Variants in MEOX2 observed in about 807,000 individuals in gnomAD.
MEOX2 encodes the protein mesenchyme homeobox 2.
A neutral mutation model predicts 27.0 loss-of-function variants in MEOX2; 11 were observed. The ratio of observed to expected loss-of-function variants is 0.41; its 90% CI spans 0.26 to 0.68. The LOEUF (loss-of-function observed/expected upper bound fraction) is 0.68, where lower values mean the gene tolerates loss of function less well. MEOX2 is among the 30% of genes least tolerant of loss of function. The pLI is 0.33. For missense variants in MEOX2, 436 were observed against 385.4 expected, an observed-to-expected ratio of 1.13 and a Z score of -1.10; for synonymous variants, 189 against 155.4, an observed-to-expected ratio of 1.22 and a Z score of -1.61.
At chr7:15,649,799 A>G (rs1037857635) in intron 1 of MEOX2, among the ~76,000 whole-genome samples, 15 of 152,112 alleles carry the variant, frequency 9.9e-5, no homozygotes, top group Admixed American at 3.3e-4. Context: ...AGGCAATGGT[A>G]TCATGGGGCT....
At chr7:15,676,569 C>T (rs28397811) in intron 1 of MEOX2, among the ~76,000 whole-genome samples, 17,266 of 152,090 alleles carry the variant, frequency 0.11, 2,004 homozygotes, top group African/African-American at 0.3. Context: ...CTGTACACTC[C>T]TTTTAAAAAG....
At chr7:15,644,231 A>G (rs1781608104) in intron 1 of MEOX2, among the ~76,000 whole-genome samples, 1 of 152,040 alleles carries the variant, frequency 6.6e-6, no homozygotes, top group East Asian at 1.9e-4. Context: ...TTCTGGGCCT[A>G]CCTAGGTTCA....
chr7:15,683,757 C>A (rs896019638), intron 1 of MEOX2, among the ~76,000 whole-genome samples: 3 of 152,020 alleles, frequency 2.0e-5, no homozygotes, highest in Admixed American at 6.5e-5. Flanking sequence ...GTCAATATTT[C>A]TTCAACATAT....
chr7:15,682,111 C>T (rs1782300174), intron 1 of MEOX2: 1 of 151,620 alleles, frequency 6.6e-6, no homozygotes, highest in Non-Finnish European at 1.5e-5. Context: ...AATTAGTCTA[C>T]CAGTCCAAGA....
intron 1 of MEOX2, among the ~76,000 whole-genome samples, chr7:15,643,295 G>A (rs543094355): frequency 6.6e-6 from 1 of 152,154 alleles, no homozygotes; most frequent in African/African-American, 2.4e-5. Context: ...CTGGGGGTAT[G>A]TTCTGCACTC....
At chr7:15,657,583 C>T (rs1393100904) in intron 1 of MEOX2, among the ~76,000 whole-genome samples, 4 of 152,090 alleles carry the variant, frequency 2.6e-5, no homozygotes, top group African/African-American at 7.2e-5. Context: ...TGCTTCTTTG[C>T]TGAGATGTTC....
intron 2 of MEOX2, among the ~76,000 whole-genome samples, chr7:15,625,781 A>G (rs2115359579): frequency 6.6e-6 from 1 of 152,322 alleles, no homozygotes; most frequent in African/African-American, 2.4e-5. Context: ...GGGAAACAAG[A>G]ATCTGTACAA....
At chr7:15,616,090 T>G (rs993666218) in intron 2 of MEOX2, among the ~76,000 whole-genome samples, 3 of 151,810 alleles carry the variant, frequency 2.0e-5, no homozygotes, top group Non-Finnish European at 4.4e-5. Context: ...AAAGACTGAA[T>G]AGTTAATTGC....
intron 1 of MEOX2, among the ~76,000 whole-genome samples, chr7:15,649,452 A>G (rs1456943818): frequency 6.6e-6 from 1 of 151,974 alleles, no homozygotes; most frequent in Non-Finnish European, 1.5e-5. Context: ...GAAAAATCAC[A>G]TAAATTGAAG....
rs2237492 is a variant in MEOX2 at position 15,612,276 on chromosome 7, A to T, written c.*111T>A. On this transcript the variant is annotated 3_prime_UTR_variant, in exon 3 of 3. Transcript: ENST00000262041. ...AAACAGATTCGAAATGCCTGGATTT[A>T]ATAATATTAAACATCACTGCCATAG... The T allele has an allele frequency of 0.64, 550,661 of 866,036 alleles. 178,233 individuals are homozygous for T. Among genetic ancestry groups the T allele is most frequent in the Non-Finnish European group, 0.68 (370,177 of 545,074 alleles). 53.6% of individuals were successfully genotyped at this position (866,036 alleles called of 1,614,324 possible).
At chr7:15,614,424 A>C (rs1213511913) in intron 2 of MEOX2, among the ~76,000 whole-genome samples, 1 of 151,374 alleles carries the variant, frequency 6.6e-6, no homozygotes, top group African/African-American at 2.4e-5. Context: ...AAAAAGAAAA[A>C]AAAAGTTTGC....
Position 15,612,743 on chromosome 7 carries a change from G to T in MEOX2, c.691-132C>A. On this transcript the variant is annotated intron_variant, in intron 2 of 2. Coordinates refer to ENST00000262041, the MANE Select transcript of MEOX2 (RefSeq NM_005924.5). ...CAAAGACACCATGAAGGAGTGAATAGAAAAATAAATCCACGTTGAATTTAA... is the reference window on the plus strand; with the variant it reads ...CAAAGACACCATGAAGGAGTGAATATAAAAATAAATCCACGTTGAATTTAA... The T allele has an allele frequency of 4.5e-6, 3 of 671,116 alleles. No individual in the cohort carries two copies. In the South Asian group the frequency reaches 5.8e-5, roughly 13 times the overall value. The allele number at this position is 671,116 out of a possible 1,614,324, so 41.6% of individuals were successfully genotyped here. A position where few individuals can be genotyped will look rare whatever the true frequency, so the allele number is the denominator to read the frequency against.
chr7:15,618,012 AG>A (rs1433211334), intron 2 of MEOX2, among the ~76,000 whole-genome samples: 2 of 152,108 alleles, frequency 1.3e-5, no homozygotes, highest in Non-Finnish European at 2.9e-5. Flanking sequence ...TGAATCTCAC[AG>A]GCACAATTAT....
At chr7:15,650,650 T>A (rs1344885475) in intron 1 of MEOX2, among the ~76,000 whole-genome samples, 1 of 152,038 alleles carries the variant, frequency 6.6e-6, no homozygotes, top group Admixed American at 6.6e-5. Flanking sequence ...CCCTTAAGGA[T>A]CATATCATTG....
chr7:15,650,129 G>A (rs556285310), intron 1 of MEOX2, among the ~76,000 whole-genome samples: 15 of 152,066 alleles, frequency 9.9e-5, no homozygotes, highest in Non-Finnish European at 2.1e-4. Flanking sequence ...CCACTTGGAT[G>A]TTTGGCCATG....
intron 1 of MEOX2, among the ~76,000 whole-genome samples, chr7:15,650,132 T>C (rs1781713046): frequency 6.6e-6 from 1 of 152,084 alleles, no homozygotes; most frequent in Admixed American, 6.6e-5. Flanking sequence ...CTTGGATGTT[T>C]GGCCATGCCT....
At chr7:15,634,952 G>C (rs922306851) in intron 1 of MEOX2, among the ~76,000 whole-genome samples, 1 of 151,950 alleles carries the variant, frequency 6.6e-6, no homozygotes, top group Non-Finnish European at 1.5e-5. Context: ...TTAGAGGTGT[G>C]AGAGTTTCAG....
chr7:15,638,198 G>C (rs1781513150), intron 1 of MEOX2, among the ~76,000 whole-genome samples: 1 of 152,090 alleles, frequency 6.6e-6, no homozygotes, highest in Non-Finnish European at 1.5e-5. Flanking sequence ...CAATCAGCAA[G>C]AGTTGTGTAT....
intron 1 of MEOX2, among the ~76,000 whole-genome samples, chr7:15,633,731 T>A (rs1781438588): frequency 6.6e-6 from 1 of 151,888 alleles, no homozygotes; most frequent in Non-Finnish European, 1.5e-5. Context: ...ATGTAGAAAT[T>A]ATTGAACTTT....
Sources: allele counts gnomAD v4.1 joint callset (sites outside exome capture counted in the v4.1 genomes callset), GRCh38; gene constraint gnomAD v4.1.1; transcripts MANE v1.5; gene names NCBI Gene and HGNC (gene_info 2026-07-23, HGNC 2026-07-21).